Variants in MAST2 observed in about 807,000 individuals in gnomAD.
The protein encoded by MAST2 is microtubule-associated serine/threonine-protein kinase 2.
Under a neutral mutation model 147.4 loss-of-function variants are expected in MAST2, and 70 were observed. The ratio of observed to expected loss-of-function variants is 0.47; its 90% CI spans 0.39 to 0.58. MAST2 has a LOEUF of 0.58. Ranked by LOEUF, MAST2 falls within the 20% of genes least tolerant of loss-of-function variation. MAST2 has a pLI of 0.00. For synonymous variants in MAST2, 869 were observed against 896.8 expected, an observed-to-expected ratio of 0.97 and a Z score of 0.55; for missense variants, 2,080 against 2,302.3, an observed-to-expected ratio of 0.90 and a Z score of 1.98.
At position 45,995,134 on chromosome 1, in the gene MAST2, C is replaced by T. The variant is rs552201947; in HGVS notation, c.593-2590C>T. ...GGATTACGGGCGTGAGCCACCACGC[C>T]TGGCCCATATCTTCCATAATTTAAA... On this transcript the variant is annotated intron_variant, in intron 5 of 28. Coordinates refer to ENST00000361297, the MANE Select transcript of MAST2 (RefSeq NM_015112.3). Among the ~76,000 whole-genome samples the T allele has an allele frequency of 5.9e-5, 9 of 152,270 alleles. No homozygotes were observed. In the East Asian group the frequency reaches 1.7e-3, roughly 29 times the overall value.
At chr1:45,964,304 C>T (rs1660857558) in intron 5 of MAST2, among the ~76,000 whole-genome samples, 1 of 152,142 alleles carries the variant, frequency 6.6e-6, no homozygotes, top group Non-Finnish European at 1.5e-5. Flanking sequence ...CCAGCTCCTT[C>T]TTGTACCTCT....
At position 46,002,897 on chromosome 1, in the gene MAST2, T is replaced by G. The variant is rs1043312017; in HGVS notation, c.747+14T>G. Reference sequence around the variant, plus strand: ...TCCACTGTCTCAGTAAGTAGCCAAATCTGTGGCCATACTTCCTTCACCCTA... The same window carrying G: ...TCCACTGTCTCAGTAAGTAGCCAAAGCTGTGGCCATACTTCCTTCACCCTA... On this transcript the variant is annotated intron_variant, in intron 7 of 28. Transcript: ENST00000361297. 7 of 1,612,604 alleles carry G rather than the reference T, an allele frequency of 4.3e-6. No individual in the cohort carries two copies. In the African/African-American group the frequency reaches 9.3e-5, roughly 22 times the overall value.
Position 45,924,421 on chromosome 1 carries a change from G to A in MAST2, c.501-34965G>A, listed in dbSNP as rs544138962. 4.2e-4 allele frequency among the ~76,000 whole-genome samples: 64 copies of A among 152,238 alleles called. 3 individuals are homozygous for A. The South Asian group carries it at 0.013, about 32-fold the overall frequency. ...TGGTTCCAGTAAACAATGTGCATAA[G>A]TGAAGAACTGAAAATTGAGTGCTAC... On this transcript the variant is annotated intron_variant, in intron 4 of 28. Coordinates refer to ENST00000361297, the MANE Select transcript of MAST2 (RefSeq NM_015112.3).
chr1:45,915,776 A>T (rs1461864605), intron 4 of MAST2, among the ~76,000 whole-genome samples: 1 of 151,968 alleles, frequency 6.6e-6, no homozygotes, highest in South Asian at 2.1e-4. Context: ...TCAATTATAT[A>T]TTGAACAAAA....
At chr1:45,805,528 A>G (rs1644116536) in intron 1 of MAST2, among the ~76,000 whole-genome samples, 1 of 152,168 alleles carries the variant, frequency 6.6e-6, no homozygotes, top group Non-Finnish European at 1.5e-5. Context: ...CATTCTCTGC[A>G]GTATCATCTA....
At position 45,889,874 on chromosome 1, in the gene MAST2, C is replaced by T. The variant is rs139485290; in HGVS notation, c.500+7479C>T. On this transcript the variant is annotated intron_variant, in intron 4 of 28. Coordinates refer to ENST00000361297, the MANE Select transcript of MAST2 (RefSeq NM_015112.3). ...GATTAAGCAATTCTCCTGCCTCAGC[C>T]TCCCAAGTAGCTGGGACTACAGGTG... 2.7e-3 allele frequency among the ~76,000 whole-genome samples: 404 copies of T among 152,204 alleles called. 2 individuals carry two copies. Among genetic ancestry groups the T allele is most frequent in the African/African-American group, 9.3e-3 (384 of 41,510 alleles).
In MAST2 at chr1:46,022,935, C is replaced by T; in HGVS notation, c.1449C>T (p.Asp483=). The change falls in exon 13 of 29, where the codon GAC becomes GAT. Residue 483 remains aspartate (D), a synonymous_variant. Transcript: ENST00000361297. ...AAATGGCCCAGTTGAGCAGCTGTGA[C>T]AGTCCTGACACTCCAGAGACAGATG... The part of the protein sequence containing the change: ...LEEMAQLSSC[D]SPDTPETDDS... 2 of 1,614,176 alleles carry T rather than the reference C, an allele frequency of 1.2e-6. No homozygotes were observed. The highest frequency in any genetic ancestry group is 1.7e-6 in the Non-Finnish European group (2 of 1,180,012).
intron 5 of MAST2, among the ~76,000 whole-genome samples, chr1:45,978,989 A>G (rs889761151): frequency 6.6e-6 from 1 of 152,192 alleles, no homozygotes; most frequent in South Asian, 2.1e-4. Flanking sequence ...TAAACTGCAC[A>G]CTTAAGGGTA....
chr1:45,990,222 C>T (rs1644805815), intron 5 of MAST2, among the ~76,000 whole-genome samples: 2 of 152,172 alleles, frequency 1.3e-5, no homozygotes, highest in South Asian at 2.1e-4. Context: ...TGTTCCCCAT[C>T]CTTTTTAGCC....
intron 3 of MAST2, among the ~76,000 whole-genome samples, chr1:45,856,858 G>T (rs1178726590): frequency 1.3e-5 from 2 of 151,908 alleles, no homozygotes; most frequent in Non-Finnish European, 2.9e-5. Flanking sequence ...GAGCTGGGGA[G>T]GAGATGTGCA....
At chr1:45,903,535 T>G (rs1650163810) in intron 4 of MAST2, among the ~76,000 whole-genome samples, 1 of 152,242 alleles carries the variant, frequency 6.6e-6, no homozygotes, top group South Asian at 2.1e-4. Context: ...GATTTCTGCC[T>G]TAATCTCATT....
chr1:45,991,544 T>C (rs1644855449), intron 5 of MAST2, among the ~76,000 whole-genome samples: 1 of 152,234 alleles, frequency 6.6e-6, no homozygotes, highest in African/African-American at 2.4e-5. Context: ...AGATCTTTGA[T>C]TTCTTTCATC....
At chr1:45,833,889 A>G (rs1645030987) in intron 3 of MAST2, among the ~76,000 whole-genome samples, 1 of 149,406 alleles carries the variant, frequency 6.7e-6, no homozygotes, top group Admixed American at 6.7e-5. Context: ...TTCCTGAGCT[A>G]CTTATTTACC....
intron 4 of MAST2, chr1:45,913,588 A>G (rs1197356687): frequency 3.0e-6 from 3 of 992,298 alleles, no homozygotes; most frequent in Non-Finnish European, 2.4e-6. Flanking sequence ...AGGACAGCTG[A>G]TTCATTTGGG....
chr1:45,963,768 G>C (rs1173701543), intron 5 of MAST2, among the ~76,000 whole-genome samples: 1 of 152,138 alleles, frequency 6.6e-6, no homozygotes, highest in African/African-American at 2.4e-5. Context: ...TTTCCTGCCT[G>C]ATTGCCCTGG....
At chr1:46,003,999 A>G (rs1260282840) in intron 7 of MAST2, among the ~76,000 whole-genome samples, 2 of 152,152 alleles carry the variant, frequency 1.3e-5, no homozygotes, top group African/African-American at 2.4e-5. Flanking sequence ...CCTAGATACT[A>G]CTATCACATT....
chr1:45,821,885 C>CTTTTTTTTTTTT (rs71587723), intron 1 of MAST2, among the ~76,000 whole-genome samples: 1 of 100,848 alleles, frequency 9.9e-6, no homozygotes, highest in Non-Finnish European at 1.9e-5. Flanking sequence ...TCACCTTCAC[C>CTTTTTTTTTTTT]TTTTTTTTTT....
chr1:45,892,863 T>C (rs537302677), intron 4 of MAST2, among the ~76,000 whole-genome samples: 2 of 152,324 alleles, frequency 1.3e-5, no homozygotes, highest in Non-Finnish European at 2.9e-5. Flanking sequence ...CAAAAACTTA[T>C]AGCAAACTGT....
chr1:45,988,683 C>T (rs1644743819), intron 5 of MAST2, among the ~76,000 whole-genome samples: 1 of 152,188 alleles, frequency 6.6e-6, no homozygotes, highest in East Asian at 1.9e-4. Context: ...TCAGTATGAA[C>T]TAATAGGTAT....
Sources: allele counts gnomAD v4.1 joint callset (sites outside exome capture counted in the v4.1 genomes callset), GRCh38; gene constraint gnomAD v4.1.1; transcripts MANE v1.5; gene names NCBI Gene and HGNC (gene_info 2026-07-23, HGNC 2026-07-21).